Variants in SGCZ observed in about 807,000 individuals in gnomAD.
SGCZ encodes the protein zeta-sarcoglycan.
SGCZ carries 40 observed loss-of-function variants against 41.3 expected under a neutral mutation model. The ratio of observed to expected loss-of-function variants is 0.97; its 90% CI spans 0.75 to 1.26. SGCZ has a LOEUF of 1.26. SGCZ is among the 50% of genes most tolerant of loss of function. The pLI is 0.00. For missense variants in SGCZ, 552 were observed against 369.8 expected (o/e 1.49, Z -4.04); for synonymous variants, 206 against 137.5 (o/e 1.50, Z -3.49).
chr8:14,679,032 G>A (rs1250617543), intron 1 of SGCZ, among the ~76,000 whole-genome samples: 1 of 152,178 alleles, frequency 6.6e-6, no homozygotes, highest in East Asian at 1.9e-4. Context: ...AGATTATAAT[G>A]AAGCTCAAAA....
intron 1 of SGCZ, among the ~76,000 whole-genome samples, chr8:14,567,584 G>C (rs377102633): frequency 6.6e-6 from 1 of 152,158 alleles, no homozygotes; most frequent in Non-Finnish European, 1.5e-5. Flanking sequence ...CTAGATAAGA[G>C]AATAAAAGCA....
intron 3 of SGCZ, among the ~76,000 whole-genome samples, chr8:14,247,244 G>C (rs4275225): frequency 6.6e-6 from 1 of 152,206 alleles, no homozygotes; most frequent in Non-Finnish European, 1.5e-5. Context: ...CTTCTGAGAA[G>C]GCTCTATGAC....
chr8:14,718,785 G>T (rs947485663), intron 1 of SGCZ, among the ~76,000 whole-genome samples: 7 of 151,076 alleles, frequency 4.6e-5, no homozygotes, highest in Non-Finnish European at 7.4e-5. Context: ...GAACAGTTTA[G>T]AAATCCCTTC....
intron 1 of SGCZ, among the ~76,000 whole-genome samples, chr8:14,788,349 T>C (rs1800840056): frequency 6.6e-6 from 1 of 152,204 alleles, no homozygotes; most frequent in African/African-American, 2.4e-5. Context: ...GATTAATTTC[T>C]CTAAGTGTTG....
intron 1 of SGCZ, among the ~76,000 whole-genome samples, chr8:15,084,470 G>C (rs1030379572): frequency 1.3e-5 from 2 of 152,070 alleles, no homozygotes; most frequent in South Asian, 2.1e-4. Context: ...CAGGATCCTA[G>C]CCAGGCACGG....
intron 1 of SGCZ, among the ~76,000 whole-genome samples, chr8:15,216,217 T>A (rs1198371359): frequency 1.3e-5 from 1 of 74,294 alleles, no homozygotes; most frequent in Non-Finnish European, 3.0e-5. Flanking sequence ...CTTATTCTTT[T>A]TTTTTCTTTT....
chr8:14,307,802 A>G (rs1246609506), intron 3 of SGCZ, among the ~76,000 whole-genome samples: 1 of 152,156 alleles, frequency 6.6e-6, no homozygotes, highest in African/African-American at 2.4e-5. Flanking sequence ...CAAGGGCAAG[A>G]AAAAGAGGTC....
rs1802829608 is a variant in SGCZ at position 15,011,608 on chromosome 8, C to T, written c.39+225977G>A. ...GAAATTCCATACTAAATTATTAACTCCCAGACTATCTCAATTTTGAATAAA... is the reference window on the plus strand; with the variant it reads ...GAAATTCCATACTAAATTATTAACTTCCAGACTATCTCAATTTTGAATAAA... On this transcript the variant is annotated intron_variant, in intron 1 of 7. Coordinates refer to ENST00000382080, the MANE Select transcript of SGCZ (RefSeq NM_139167.4). 2.6e-5 allele frequency among the ~76,000 whole-genome samples: 4 copies of T among 152,222 alleles called. No individual in the cohort carries two copies. The South Asian group carries it at 8.3e-4, about 32-fold the overall frequency.
At chr8:14,642,727 G>T (rs1232190309) in intron 1 of SGCZ, among the ~76,000 whole-genome samples, 1 of 150,958 alleles carries the variant, frequency 6.6e-6, no homozygotes, top group African/African-American at 2.4e-5. Context: ...TTAATTTGTT[G>T]GTCAGATTTA....
chr8:14,367,488 A>G (rs1349338105), intron 2 of SGCZ, among the ~76,000 whole-genome samples: 1 of 152,042 alleles, frequency 6.6e-6, no homozygotes, highest in East Asian at 1.9e-4. Context: ...TCTTGCTGCC[A>G]TGAAGAATAC....
intron 1 of SGCZ, among the ~76,000 whole-genome samples, chr8:15,011,747 C>G (rs1057419811): frequency 1.3e-5 from 2 of 152,138 alleles, no homozygotes; most frequent in Admixed American, 6.6e-5. Context: ...CTTAAAATAT[C>G]ATTTAAATGT....
chr8:14,262,764 T>C (rs1033003908), intron 3 of SGCZ, among the ~76,000 whole-genome samples: 9 of 149,924 alleles, frequency 6.0e-5, no homozygotes, highest in African/African-American at 2.0e-4. Context: ...AAACCTAGAA[T>C]TAAAAAAATC....
intron 1 of SGCZ, among the ~76,000 whole-genome samples, chr8:14,815,028 A>C (rs1801860802): frequency 6.6e-6 from 1 of 152,138 alleles, no homozygotes; most frequent in African/African-American, 2.4e-5. Flanking sequence ...GCCTGATTTG[A>C]AAACTGAGAT....
chr8:15,066,987 C>G (rs1805174666), intron 1 of SGCZ, among the ~76,000 whole-genome samples: 1 of 152,230 alleles, frequency 6.6e-6, no homozygotes, highest in South Asian at 2.1e-4. Flanking sequence ...TAGTTAATAT[C>G]TAGGGAAATA....
chr8:14,121,489 A>G (rs984670510), intron 5 of SGCZ, among the ~76,000 whole-genome samples: 14 of 152,138 alleles, frequency 9.2e-5, no homozygotes, highest in Admixed American at 6.5e-4. Flanking sequence ...AAAATATGTG[A>G]TATCTTACCA....
intron 1 of SGCZ, among the ~76,000 whole-genome samples, chr8:15,136,048 G>A (rs546141015): frequency 4.6e-5 from 7 of 152,130 alleles, no homozygotes; most frequent in Non-Finnish European, 8.8e-5. Flanking sequence ...GGTGTTGACA[G>A]GGCAATGGTA....
chr8:14,661,128 C>T (rs906656531), intron 1 of SGCZ, among the ~76,000 whole-genome samples: 1 of 152,064 alleles, frequency 6.6e-6, no homozygotes, highest in African/African-American at 2.4e-5. Context: ...ATGGAAACAT[C>T]ATACATAAGC....
At chr8:14,667,903 A>C (rs552288843) in intron 1 of SGCZ, among the ~76,000 whole-genome samples, 1 of 152,180 alleles carries the variant, frequency 6.6e-6, no homozygotes, top group African/African-American at 2.4e-5. Context: ...AGATACCTAG[A>C]GTTTACAAAT....
intron 7 of SGCZ, among the ~76,000 whole-genome samples, chr8:14,091,768 A>G (rs1801695588): frequency 6.6e-6 from 1 of 152,144 alleles, no homozygotes; most frequent in Admixed American, 6.6e-5. Context: ...ATTTTCTGCC[A>G]TTCTGTAGGT....
Sources: gnomAD v4.1 joint callset for allele counts (sites outside exome capture counted in the v4.1 genomes callset) on GRCh38, gnomAD v4.1.1 for gene constraint, MANE v1.5 for transcripts, NCBI Gene and HGNC (gene_info 2026-07-23, HGNC 2026-07-21) for gene names.